The following POLD1 variants were observed in gnomAD, a reference collection of about 807,000 sequenced individuals.
POLD1 encodes the protein DNA polymerase delta catalytic subunit.
POLD1 carries 79 observed loss-of-function variants against 129.7 expected under a neutral mutation model. The ratio of observed to expected loss-of-function variants is 0.61; its 90% CI spans 0.51 to 0.73. POLD1 has a LOEUF of 0.73. POLD1 is among the 30% of genes least tolerant of loss of function. POLD1 has a pLI of 0.00. For synonymous variants in POLD1, 714 were observed against 683.3 expected (o/e 1.04, Z -0.70); for missense variants, 1,338 against 1,595.8 (o/e 0.84, Z 2.75).
chr19:50,415,586 G>A lies in POLD1; in HGVS notation c.2713G>A (p.Glu905Lys), dbSNP rs759530743. 10 of 1,610,822 alleles carry A rather than the reference G, an allele frequency of 6.2e-6. No individual in the cohort carries two copies. In the East Asian group the frequency reaches 1.1e-4, roughly 18 times the overall value. ...AGKQAHVELA[E>K]RMRKRDPGSA... ...CAAGCAGGCCCACGTGGAGCTGGCC[G>A]AGAGGTCCTGCGCGGGGCGGGTGGC... is the stretch of plus-strand genomic sequence containing the variant. Residue 905 changes from glutamate to lysine, a missense_variant, in exon 21 of 27, where the codon GAG becomes AAG. Physicochemically the swap from Glu to Lys is moderately conservative, Grantham distance 56. Around this residue, in one of 3 missense-constraint regions of POLD1, gnomAD observed 720 missense variants for 1,002.6 expected, o/e 0.72. Transcript: ENST00000440232.
chr19:50,402,493 G>A lies in POLD1; in HGVS notation c.798G>A (p.Leu266=), dbSNP rs1017934812. Residue 266 remains leucine, a synonymous_variant, in exon 7 of 27, where the codon CTG becomes CTA. Transcript: ENST00000440232. ...VDTDIVGCNW[L]ELPAGKYALR... ...CGGACATCGTCGGCTGCAACTGGCT[G>A]GAGCTCCCAGCTGGGAAATACGCCC... The A allele has an allele frequency of 1.6e-5, 25 of 1,611,168 alleles. No homozygotes were observed. In the Middle Eastern group the frequency reaches 2.1e-3, roughly 138 times the overall value.
intron 1 of POLD1, among the ~76,000 whole-genome samples, chr19:50,393,233 A>G (rs1437041856): frequency 6.6e-6 from 1 of 150,966 alleles, no homozygotes; most frequent in Non-Finnish European, 1.5e-5. Flanking sequence ...CACCCCAGAA[A>G]CCCCCTCATA....
Position 50,399,003 on chromosome 19 carries a change from A to G in POLD1, c.152A>G (p.Gln51Arg), listed in dbSNP as rs1601189349. 1 of 1,563,526 alleles carries G rather than the reference A, an allele frequency of 6.4e-7. No individual in the cohort carries two copies. Among genetic ancestry groups the G allele is most frequent in the Non-Finnish European group, 8.7e-7 (1 of 1,153,662 alleles). The change falls in exon 2 of 27, where the codon CAG (glutamine) becomes CGG (arginine). Residue 51 changes from glutamine to arginine, a missense_variant. Coordinates refer to ENST00000440232, the MANE Select transcript of POLD1 (RefSeq NM_002691.4). ...MEEMEAEHRL[Q>R]EQEEEELQSV... The stretch of plus-strand genomic sequence containing the variant: ...GAGATGGAGGCAGAACACAGGCTGC[A>G]GGAGCAGGAGGAGGAGGAGCTGCAG...
chr19:50,418,015 T>C (rs2445837), downstream of POLD1: 128,670 of 1,009,510 alleles, frequency 0.13, 18,117 homozygotes, highest in African/African-American at 0.61. This position sits in a 1 kb window ranked among gnomAD's most constrained non-coding sequence, Gnocchi z 6.0. Flanking sequence ...ACTTTTGCTA[T>C]ATGGTGCTTT....
Position 50,415,003 on chromosome 19 carries a change from TC to T in POLD1, c.2564+15del. 4.5e-6 allele frequency: 7 copies of T among 1,539,424 alleles called. No individual in the cohort carries two copies. Among genetic ancestry groups the T allele is most frequent in the Non-Finnish European group, 6.1e-6 (7 of 1,140,052 alleles). On this transcript the variant is annotated intron_variant, in intron 20 of 26. Coordinates refer to ENST00000440232, the MANE Select transcript of POLD1 (RefSeq NM_002691.4). Reference sequence around the variant, plus strand: ...TGCTCATCGACCGGTGTGTGGGGCCTCCTCCCTCAGACTCAGGGGGCTGGGC... The same window carrying T: ...TGCTCATCGACCGGTGTGTGGGGCCTCTCCCTCAGACTCAGGGGGCTGGGC...
At chr19:50,398,760 C>G (rs1440677889) in intron 1 of POLD1, 91 bp from the exon 2 acceptor site, 5 of 1,526,230 alleles carry the variant, frequency 3.3e-6, no homozygotes, top group Non-Finnish European at 4.4e-6. Context: ...GGAAAAGGCT[C>G]GTGGTCATGG....
chr19:50,402,737 C>A lies in POLD1; in HGVS notation c.966C>A (p.Arg322=), dbSNP rs927325156. The A allele has an allele frequency of 2.5e-6, 4 of 1,590,618 alleles. No individual in the cohort carries two copies. The highest frequency in any genetic ancestry group is 2.6e-6 in the Non-Finnish European group (3 of 1,164,250). The change falls in exon 8 of 27, where the codon CGC becomes CGA. Residue 322 remains arginine, a synonymous_variant. Transcript: ENST00000440232. ...GCTTCGATATCGAGTGCGCCGGCCGCAAAGGTCTGTCCCCGGGCCCGGGCT... is the reference window on the plus strand; with the variant it reads ...GCTTCGATATCGAGTGCGCCGGCCGAAAAGGTCTGTCCCCGGGCCCGGGCT... The part of the protein sequence containing the change: ...VLSFDIECAG[R]KGIFPEPERD...
chr19:50,396,496 G>A (rs768157552), intron 1 of POLD1, among the ~76,000 whole-genome samples: 5 of 150,646 alleles, frequency 3.3e-5, no homozygotes, highest in Non-Finnish European at 7.4e-5. Context: ...TATATTTTTT[G>A]AGATGGAGTC....
At chr19:50,401,391 A>ATTTTTTTTTTTTTTT (rs1203165864) in intron 3 of POLD1, among the ~76,000 whole-genome samples, 2 of 65,990 alleles carry the variant, frequency 3.0e-5, no homozygotes, top group Non-Finnish European at 5.1e-5. Flanking sequence ...ATATATATAT[A>ATTTTTTTTTTTTTTT]TTTTTTTTTT....
chr19:50,416,967 G>A (rs2039321821), intron 24 of POLD1, 78 bp from the exon 25 acceptor site: 2 of 1,420,838 alleles, frequency 1.4e-6, no homozygotes, highest in African/African-American at 1.4e-5. Context: ...TCAGAAGCTG[G>A]GATTGGCAGT....
At chr19:50,415,870 C>G (rs2039269061) in intron 22 of POLD1, 44 bp downstream of exon 22, 3 of 1,326,722 alleles carry the variant, frequency 2.3e-6, no homozygotes, top group Non-Finnish European at 3.0e-6. Context: ...CCCCCTCGCT[C>G]TCACTTCTGC....
chr19:50,389,545 C>T (rs533800784), intron 1 of POLD1, among the ~76,000 whole-genome samples: 1 of 152,014 alleles, frequency 6.6e-6, no homozygotes, highest in Non-Finnish European at 1.5e-5. Context: ...TTAGATCTGC[C>T]ACGTGTCCCT....
rs1203165864 is a variant in POLD1, at chr19:50,401,391, ATTTTT to A, written c.317-367_317-363del. Among the ~76,000 whole-genome samples, 146 of 65,890 alleles carry A rather than the reference ATTTTT, an allele frequency of 2.2e-3. 1 individual carries two copies. The highest frequency in any genetic ancestry group is 7.4e-3 in the African/African-American group (107 of 14,514). 43.2% of individuals were successfully genotyped at this position (65,890 alleles called of 152,430 possible). A position where few individuals can be genotyped will look rare whatever the true frequency, so the allele number is the denominator to read the frequency against. On this transcript the variant is annotated intron_variant, in intron 3 of 26. Coordinates refer to ENST00000440232, the MANE Select transcript of POLD1 (RefSeq NM_002691.4). Reference sequence around the variant, plus strand: ...TGTATATATATATATATATATATATATTTTTTTTTTTTTTTTTTTTTTTTCTTTTT... The same window carrying A: ...TGTATATATATATATATATATATATATTTTTTTTTTTTTTTTTTTCTTTTT...
At chr19:50,389,877 T>C (rs6509469) in intron 1 of POLD1, among the ~76,000 whole-genome samples, 7,888 of 151,030 alleles carry the variant, frequency 0.052, 688 homozygotes, top group African/African-American at 0.18. Flanking sequence ...TGAGCCACCA[T>C]GTCCAGCCTG....
In POLD1 at chr19:50,399,044, G is replaced by T. The variant is rs975951740; in HGVS notation, c.193G>T (p.Val65Phe). The change falls in exon 2 of 27, where the codon GTT (valine) becomes TTT (phenylalanine). Residue 65 changes from valine to phenylalanine, a missense_variant. Val to Phe is a conservative substitution (Grantham distance 50). Transcript: ENST00000440232. ...EEELQSVLEG[V>F]ADGQVPPSAI... Reference sequence around the variant, plus strand: ...GGAGCTGCAGTCAGTCCTGGAGGGGGTTGCAGACGGTAAGGCTTGGAGTTG... The same window carrying T: ...GGAGCTGCAGTCAGTCCTGGAGGGGTTTGCAGACGGTAAGGCTTGGAGTTG... 1 of 1,553,218 alleles carries T rather than the reference G, an allele frequency of 6.4e-7. No individual in the cohort carries two copies. The highest frequency in any genetic ancestry group is 2.0e-5 in the Admixed American group (1 of 51,134).
In POLD1 at chr19:50,416,670, TCGCCAAA is replaced by T; in HGVS notation, c.3019_3025del (p.Lys1007AlafsTer36). The T allele has an allele frequency of 6.4e-7, 1 of 1,559,268 alleles. No individual in the cohort carries two copies. Among genetic ancestry groups the T allele is most frequent in the South Asian group, 1.2e-5 (1 of 85,216 alleles). ...GGCAAGGTGGGCGGCCTCCTGGCCTTCGCCAAACGCCGCAACTGCTGCATTGGCTGCC... is the reference window on the plus strand; with the variant it reads ...GGCAAGGTGGGCGGCCTCCTGGCCTTCGCCGCAACTGCTGCATTGGCTGCC... On this transcript the variant is annotated frameshift_variant, in exon 24 of 27. Coordinates refer to ENST00000440232, the MANE Select transcript of POLD1 (RefSeq NM_002691.4). LOFTEE classifies it high-confidence loss of function.
Position 50,406,473 on chromosome 19 carries a change from G to C in POLD1, c.1450G>C (p.Glu484Gln). The C allele has an allele frequency of 6.3e-7, 1 of 1,596,770 alleles. No individual in the cohort carries two copies. The highest frequency in any genetic ancestry group is 8.5e-7 in the Non-Finnish European group (1 of 1,171,352). ...TGCCGTGAGCTTCCACTTCCTGGGC[G>C]AGCAGAAGGAGGACGTGCAGCACAG... The part of the protein sequence containing the change: ...LNAVSFHFLG[E>Q]QKEDVQHSII... The change falls in exon 12 of 27, where the codon GAG becomes CAG. Residue 484 changes from glutamate (E) to glutamine (Q), a missense_variant. This residue lies in a region of POLD1 where 720 missense variants were observed against 1,002.6 expected (regional missense o/e 0.72). Transcript: ENST00000440232. The surrounding 1 kb of genome is among the most constrained non-coding windows in gnomAD (Gnocchi z 5.5).
chr19:50,407,009 C>T lies in POLD1; in HGVS notation c.1521C>T (p.Arg507=), dbSNP rs1183909229. The T allele has an allele frequency of 5.0e-6, 8 of 1,610,906 alleles. No individual in the cohort carries two copies. Among genetic ancestry groups the T allele is most frequent in the South Asian group, 4.4e-5 (4 of 90,892 alleles). ...LQNGNDQTRR[R]LAVYCLKDAY... is the part of the protein sequence containing the mutation. ...ATGGGAACGACCAGACCCGCCGCCG[C>T]CTGGCTGTGTACTGCCTGAAGGATG... The change falls in exon 13 of 27, where the codon CGC becomes CGT. Residue 507 remains arginine (R), a synonymous_variant. Transcript: ENST00000440232.
At chr19:50,396,478 T>G (rs1242865598) in intron 1 of POLD1, among the ~76,000 whole-genome samples, 1 of 147,264 alleles carries the variant, frequency 6.8e-6, no homozygotes, top group African/African-American at 2.7e-5. Context: ...AAAATAATAA[T>G]ATATATATAT....
Sources: gnomAD v4.1 joint callset for allele counts (sites outside exome capture counted in the v4.1 genomes callset) on GRCh38, gnomAD v4.1.1 for gene constraint, gnomAD v4.1.1 regional missense constraint, Gnocchi (gnomAD v3.1) non-coding constraint, MANE v1.5 for transcripts, NCBI Gene and HGNC (gene_info 2026-07-23, HGNC 2026-07-21) for gene names.